The following SCMH1 variants were observed in gnomAD, a reference collection of about 807,000 sequenced individuals.
SCMH1 encodes Scm polycomb group protein homolog 1.
In SCMH1, 37 loss-of-function variants were observed where a neutral mutation model predicts 70.8. The observed-to-expected ratio is 0.52, with a 90% CI of 0.40 to 0.69. The LOEUF is 0.69. SCMH1 is among the 30% of genes least tolerant of loss of function. SCMH1 has a pLI of 0.00. For synonymous variants in SCMH1, 292 were observed against 307.4 expected (o/e 0.95, Z 0.52); for missense variants, 607 against 827.3 (o/e 0.73, Z 3.27).
exon 11 of SCMH1, chr1:41,048,834 CCTT>C (rs1467528260): frequency 3.1e-6 from 5 of 1,614,052 alleles, no homozygotes; most frequent in Non-Finnish European, 1.7e-6. Context: ...AGTTGCTGGA[CCTT>C]CTTCTTATCT....
At chr1:41,097,446 C>T (rs1665405753) in intron 8 of SCMH1, among the ~76,000 whole-genome samples, 1 of 152,174 alleles carries the variant, frequency 6.6e-6, no homozygotes. Context: ...TCCAGAGAAA[C>T]TGTCTCCCGA....
chr1:41,123,152 G>A (rs1031730981), intron 6 of SCMH1, among the ~76,000 whole-genome samples: 2 of 152,150 alleles, frequency 1.3e-5, no homozygotes, highest in Non-Finnish European at 2.9e-5. Flanking sequence ...GCCTGGGGAT[G>A]TCGAGGCTGC....
chr1:41,211,040 C>T (rs1656895388), intron 1 of SCMH1, among the ~76,000 whole-genome samples: 1 of 152,094 alleles, frequency 6.6e-6, no homozygotes, highest in African/African-American at 2.4e-5. Flanking sequence ...AATCTCCTGA[C>T]CTCGTGATCC....
At chr1:41,122,120 A>G (rs1252429640) in intron 6 of SCMH1, among the ~76,000 whole-genome samples, 2 of 152,204 alleles carry the variant, frequency 1.3e-5, no homozygotes, top group Non-Finnish European at 2.9e-5. Flanking sequence ...AATATAAATC[A>G]GGTCACATTA....
intron 8 of SCMH1, among the ~76,000 whole-genome samples, chr1:41,104,196 G>A (rs1667305934): frequency 6.6e-6 from 1 of 152,128 alleles, no homozygotes; most frequent in Admixed American, 6.5e-5. Flanking sequence ...CAACTGGGGA[G>A]GCAGACACTT....
chr1:41,100,002 C>T (rs989917232), intron 8 of SCMH1, among the ~76,000 whole-genome samples: 1 of 151,600 alleles, frequency 6.6e-6, no homozygotes, highest in Admixed American at 6.6e-5. Flanking sequence ...AGCCTGGTGA[C>T]CTACACTCTT....
chr1:41,114,661 TTC>T (rs61013208), intron 7 of SCMH1, among the ~76,000 whole-genome samples: 2,707 of 148,214 alleles, frequency 0.018, 53 homozygotes, highest in African/African-American at 0.056. Context: ...AAGATTTCCT[TTC>T]TCTCTCTCTC....
chr1:41,076,095 ACT>A (rs991073213), intron 8 of SCMH1, among the ~76,000 whole-genome samples: 2 of 151,878 alleles, frequency 1.3e-5, no homozygotes, highest in African/African-American at 4.8e-5. Flanking sequence ...GACTTTTTTG[ACT>A]CTGCCCATCT....
At chr1:41,038,589 TA>T (rs1645644096) in intron 12 of SCMH1, among the ~76,000 whole-genome samples, 1 of 152,206 alleles carries the variant, frequency 6.6e-6, no homozygotes, top group African/African-American at 2.4e-5. Flanking sequence ...TTCTAATACT[TA>T]CCTAAAATTG....
intron 2 of SCMH1, among the ~76,000 whole-genome samples, chr1:41,175,241 G>C (rs1321775126): frequency 3.9e-5 from 6 of 152,160 alleles, no homozygotes; most frequent in African/African-American, 1.4e-4. Context: ...AAAAGGTGAA[G>C]GAAGAGTGAA....
intron 6 of SCMH1, among the ~76,000 whole-genome samples, chr1:41,121,564 C>T (rs975351331): frequency 6.6e-6 from 1 of 152,188 alleles, no homozygotes; most frequent in African/African-American, 2.4e-5. Flanking sequence ...ATCCTAATCT[C>T]TAAATGTAGA....
At position 41,113,201 on chromosome 1, in the gene SCMH1, T is replaced by C. The variant is rs1669646851; in HGVS notation, c.745+82A>G. On this transcript the variant is annotated intron_variant, in intron 8 of 14. Coordinates refer to ENST00000337495, the Ensembl canonical transcript of SCMH1. This position sits in a 1 kb window ranked among gnomAD's most constrained non-coding sequence, Gnocchi z 4.3. ...CCTGCATACTAGTGAAGTATACTGGTGAAGATATGATCATGACAGCCCTGG... is the reference window on the plus strand; with the variant it reads ...CCTGCATACTAGTGAAGTATACTGGCGAAGATATGATCATGACAGCCCTGG... 2 of 1,519,966 alleles carry C rather than the reference T, an allele frequency of 1.3e-6. No homozygotes were observed. The highest frequency in any genetic ancestry group is 1.8e-6 in the Non-Finnish European group (2 of 1,128,806). The allele number at this position is 1,519,966 out of a possible 1,614,324, so 94.2% of individuals were successfully genotyped here.
intron 4 of SCMH1, chr1:41,159,789 G>C: frequency 6.7e-7 from 1 of 1,490,888 alleles, no homozygotes; most frequent in Non-Finnish European, 8.9e-7. Flanking sequence ...TTCAAAGAAT[G>C]TCAGAAGATT....
intron 10 of SCMH1, among the ~76,000 whole-genome samples, chr1:41,061,229 G>A (rs1431953809): frequency 6.6e-6 from 1 of 152,114 alleles, no homozygotes; most frequent in Admixed American, 6.5e-5. Flanking sequence ...AAGATCACCA[G>A]GTTAGGAGGA....
chr1:41,093,174 C>A (rs1310290251), intron 8 of SCMH1, among the ~76,000 whole-genome samples: 1 of 151,880 alleles, frequency 6.6e-6, no homozygotes, highest in Non-Finnish European at 1.5e-5. Context: ...ACACGTACAC[C>A]ATGGAATACT....
At chr1:41,156,595 T>A (rs1364363426) in intron 4 of SCMH1, among the ~76,000 whole-genome samples, 2 of 151,972 alleles carry the variant, frequency 1.3e-5, no homozygotes, top group East Asian at 1.9e-4. Flanking sequence ...TGTGCCACCA[T>A]TCCTAGCTAA....
chr1:41,134,517 T>C (rs1258127774), intron 6 of SCMH1, among the ~76,000 whole-genome samples: 3 of 152,180 alleles, frequency 2.0e-5, no homozygotes, highest in Admixed American at 1.3e-4. Flanking sequence ...GATGACACGA[T>C]TGTATATTCA....
At chr1:41,178,775 CAAT>C (rs1317248094) in intron 2 of SCMH1, among the ~76,000 whole-genome samples, 2 of 152,134 alleles carry the variant, frequency 1.3e-5, no homozygotes, top group Admixed American at 1.3e-4. Context: ...GACTCCCACA[CAAT>C]AATAATGGGA....
intron 2 of SCMH1, among the ~76,000 whole-genome samples, chr1:41,164,188 G>A (rs1232773523): frequency 6.6e-6 from 1 of 151,832 alleles, no homozygotes; most frequent in Non-Finnish European, 1.5e-5. Context: ...TCCTAAATCT[G>A]GTTAAATCAC....
Sources: allele counts gnomAD v4.1 joint callset (sites outside exome capture counted in the v4.1 genomes callset), GRCh38; gene constraint gnomAD v4.1.1; non-coding constraint Gnocchi (gnomAD v3.1); transcripts MANE v1.5; gene names NCBI Gene and HGNC (gene_info 2026-07-23, HGNC 2026-07-21).